SGCD: variants seen among roughly 807,000 people sequenced by gnomAD.
SGCD encodes sarcoglycan delta, also known as delta-sarcoglycan.
Under a neutral mutation model 36.6 loss-of-function variants are expected in SGCD, and 18 were observed. The observed-to-expected ratio is 0.49, with a 90% CI of 0.34 to 0.73. The LOEUF is 0.73. Ranked by LOEUF, SGCD falls within the 30% of genes least tolerant of loss-of-function variation. The probability of loss-of-function intolerance (pLI) is 0.01; values close to 1 mark genes in which losing one functional copy is unlikely to be tolerated. For synonymous variants in SGCD, 133 were observed against 130.6 expected, an observed-to-expected ratio of 1.02 and a Z score of -0.12; for missense variants, 387 against 346.7, an observed-to-expected ratio of 1.12 and a Z score of -0.92.
chr5:156,289,776 C>A (rs990098028), intron 3 of SGCD, among the ~76,000 whole-genome samples: 3 of 152,154 alleles, frequency 2.0e-5, no homozygotes, highest in Admixed American at 1.3e-4. Context: ...GTCCTAGTCT[C>A]CTGAGTAGCC....
At chr5:156,405,321 A>T (rs1255857032) in intron 3 of SGCD, among the ~76,000 whole-genome samples, 1 of 152,240 alleles carries the variant, frequency 6.6e-6, no homozygotes, top group African/African-American at 2.4e-5. Context: ...ATCATCTTCT[A>T]CATAGCAATA....
chr5:156,605,811 AT>A (rs1475801894), intron 6 of SGCD, among the ~76,000 whole-genome samples: 1 of 152,068 alleles, frequency 6.6e-6, no homozygotes, highest in Non-Finnish European at 1.5e-5. Context: ...GATGATGAAC[AT>A]TTTTTCATGT....
intron 3 of SGCD, among the ~76,000 whole-genome samples, chr5:156,175,946 A>G (rs962402863): frequency 2.2e-5 from 3 of 137,820 alleles, no homozygotes; most frequent in Admixed American, 7.0e-5. Context: ...TTTTCTGTGG[A>G]TCTTTTTTTT....
At chr5:156,537,154 T>C (rs1268705434) in intron 4 of SGCD, among the ~76,000 whole-genome samples, 2 of 152,194 alleles carry the variant, frequency 1.3e-5, no homozygotes, top group African/African-American at 2.4e-5. Context: ...CCCATTATTC[T>C]ACTCCATGGG....
upstream of SGCD, among the ~76,000 whole-genome samples, chr5:156,321,999 C>A (rs1257654801): frequency 6.6e-6 from 1 of 152,138 alleles, no homozygotes; most frequent in Admixed American, 6.5e-5. Context: ...TTTGCTGTAA[C>A]TGCTCTGTGG....
At chr5:156,603,220 G>C (rs1581237042) in intron 6 of SGCD, among the ~76,000 whole-genome samples, 2 of 152,130 alleles carry the variant, frequency 1.3e-5, no homozygotes, top group African/African-American at 4.8e-5. Context: ...CGTCAAGTTT[G>C]TTGGTAGATA....
intron 3 of SGCD, among the ~76,000 whole-genome samples, chr5:156,203,170 C>T (rs1475665843): frequency 6.6e-6 from 1 of 152,094 alleles, no homozygotes; most frequent in African/African-American, 2.4e-5. Context: ...ATGTACTTTT[C>T]ATTAGTGCCT....
chr5:156,204,470 TCATACA>T (rs891248239), intron 3 of SGCD, among the ~76,000 whole-genome samples: 3 of 101,384 alleles, frequency 3.0e-5, no homozygotes, highest in African/African-American at 1.3e-4. Flanking sequence ...GCCAACACAC[TCATACA>T]CACACACACA....
the SGCD span, among the ~76,000 whole-genome samples, chr5:155,798,149 A>T: frequency 6.6e-6 from 1 of 152,152 alleles, no homozygotes; most frequent in African/African-American, 2.4e-5. Context: ...CAGATTCCAT[A>T]CACTTCTTCC....
intron 1 of SGCD, among the ~76,000 whole-genome samples, chr5:156,114,299 C>T (rs531714420): frequency 1.3e-4 from 20 of 152,058 alleles, no homozygotes; most frequent in African/African-American, 2.7e-4. Context: ...GATTTTGCTG[C>T]GAACCTAAAA....
At chr5:156,657,309 A>C (rs171694) in intron 7 of SGCD, among the ~76,000 whole-genome samples, 2 of 151,468 alleles carry the variant, frequency 1.3e-5, no homozygotes, top group Admixed American at 6.6e-5. Context: ...GGTTTGTTAC[A>C]TATGTATACA....
chr5:156,691,206 CAAAAAAAAAAA>C, intron 7 of SGCD, among the ~76,000 whole-genome samples: 1 of 61,852 alleles, frequency 1.6e-5, no homozygotes, highest in East Asian at 6.0e-4. Context: ...GACTCTGTCT[CAAAAAAAAAAA>C]AAAAAAAAAG....
intron 6 of SGCD, among the ~76,000 whole-genome samples, chr5:156,629,683 G>T (rs1762557441): frequency 6.6e-6 from 1 of 152,094 alleles, no homozygotes; most frequent in Non-Finnish European, 1.5e-5. Context: ...CTCTGTTGCA[G>T]CTACTCAACT....
At chr5:156,432,036 CT>C (rs1192736016) in intron 3 of SGCD, among the ~76,000 whole-genome samples, 5 of 152,130 alleles carry the variant, frequency 3.3e-5, no homozygotes, top group African/African-American at 1.2e-4. Flanking sequence ...GATTGTTCTG[CT>C]TTTCTGGGTC....
chr5:156,478,813 T>C (rs1755303223), intron 3 of SGCD, among the ~76,000 whole-genome samples: 1 of 152,084 alleles, frequency 6.6e-6, no homozygotes. Context: ...ACTCCCAACC[T>C]CAGATGATCC....
At chr5:155,993,382 C>G (rs1758475893) in intron 1 of SGCD, among the ~76,000 whole-genome samples, 1 of 149,442 alleles carries the variant, frequency 6.7e-6, no homozygotes, top group African/African-American at 2.5e-5. Flanking sequence ...GCTCTGACAC[C>G]CACCCAGGCT....
chr5:156,109,034 T>C (rs531538512), intron 1 of SGCD, among the ~76,000 whole-genome samples: 28 of 152,196 alleles, frequency 1.8e-4, no homozygotes, highest in Non-Finnish European at 3.2e-4. Context: ...TTTTAGAGCA[T>C]TTGTCAATGT....
intron 3 of SGCD, among the ~76,000 whole-genome samples, chr5:156,431,727 G>T (rs985705083): frequency 2.0e-5 from 3 of 151,872 alleles, no homozygotes; most frequent in African/African-American, 7.3e-5. Flanking sequence ...GTTTTGTTTT[G>T]TTTTTTGGAC....
intron 3 of SGCD, among the ~76,000 whole-genome samples, chr5:156,242,250 C>T (rs896675186): frequency 1.1e-4 from 17 of 152,116 alleles, no homozygotes; most frequent in African/African-American, 4.1e-4. Flanking sequence ...AAAAACAAGT[C>T]AGTCTCAAAG....
Sources: allele counts gnomAD v4.1 joint callset (sites outside exome capture counted in the v4.1 genomes callset), GRCh38; gene constraint gnomAD v4.1.1; transcripts MANE v1.5; gene names NCBI Gene and HGNC (gene_info 2026-07-23, HGNC 2026-07-21).